CADM1: variants seen among roughly 807,000 people sequenced by gnomAD.
CADM1 encodes TSLC-1.
A neutral mutation model predicts 53.1 loss-of-function variants in CADM1; 15 were observed. The observed-to-expected ratio is 0.28, with a 90% confidence interval of 0.19 to 0.44. The LOEUF is 0.44. Among genes scored for constraint, CADM1 ranks in the 20% least tolerant of loss-of-function variants. CADM1 has a pLI of 1.00. For synonymous variants in CADM1, 281 were observed against 243.0 expected (o/e 1.16, Z -1.45); for missense variants, 434 against 611.3 (o/e 0.71, Z 3.06).
At chr11:115,324,442 C>T (rs550443527) in intron 1 of CADM1, among the ~76,000 whole-genome samples, 3 of 152,236 alleles carry the variant, frequency 2.0e-5, no homozygotes, top group South Asian at 2.1e-4. Context: ...AGCACTAGTA[C>T]TTTTACATGC....
chr11:115,248,101 G>C (rs1394049905), intron 1 of CADM1, among the ~76,000 whole-genome samples: 3 of 152,158 alleles, frequency 2.0e-5, no homozygotes, highest in Non-Finnish European at 2.9e-5. Flanking sequence ...AGACTAATAT[G>C]CATCAAACCA....
intron 1 of CADM1, among the ~76,000 whole-genome samples, chr11:115,432,801 A>T (rs187980044): frequency 3.9e-5 from 6 of 152,312 alleles, no homozygotes; most frequent in Admixed American, 3.9e-4. Flanking sequence ...GACAAACGAA[A>T]ATCTGTCCAC....
At chr11:115,488,083 A>G (rs1949416439) in intron 1 of CADM1, among the ~76,000 whole-genome samples, 2 of 152,268 alleles carry the variant, frequency 1.3e-5, no homozygotes, top group South Asian at 4.1e-4. Flanking sequence ...CTTGGTAGAA[A>G]TCAAGGAAGA....
intron 1 of CADM1, among the ~76,000 whole-genome samples, chr11:115,393,630 C>A (rs958436163): frequency 6.6e-6 from 1 of 150,572 alleles, no homozygotes; most frequent in Non-Finnish European, 1.5e-5. Flanking sequence ...AAAAAAAAAT[C>A]CACAGCTCTG....
chr11:115,284,087 A>ACACTCTCTCTCTCTCTCTCTCT (rs1555055854), intron 1 of CADM1, among the ~76,000 whole-genome samples: 1 of 47,576 alleles, frequency 2.1e-5, no homozygotes, highest in Non-Finnish European at 3.7e-5. Context: ...AAGCCCAGAC[A>ACACTCTCTCTCTCTCTCTCTCT]CTCTCTCTCT....
intron 1 of CADM1, among the ~76,000 whole-genome samples, chr11:115,242,807 A>G (rs1942286781): frequency 6.6e-6 from 1 of 152,204 alleles, no homozygotes. Flanking sequence ...AGGCCTTACA[A>G]ATCCTGACTA....
At chr11:115,195,465 G>A (rs1940100544) in intron 9 of CADM1, among the ~76,000 whole-genome samples, 1 of 152,124 alleles carries the variant, frequency 6.6e-6, no homozygotes, top group Non-Finnish European at 1.5e-5. Flanking sequence ...AATCCAGTAT[G>A]AAAACTTTTA....
At chr11:115,376,434 T>C (rs1263739232) in intron 1 of CADM1, among the ~76,000 whole-genome samples, 4 of 152,154 alleles carry the variant, frequency 2.6e-5, no homozygotes, top group African/African-American at 9.6e-5. Flanking sequence ...TGTTTCTACA[T>C]AGTTTCTACA....
At chr11:115,233,821 A>G (rs1263082907) in intron 3 of CADM1, among the ~76,000 whole-genome samples, 1 of 152,212 alleles carries the variant, frequency 6.6e-6, no homozygotes, top group Non-Finnish European at 1.5e-5. Context: ...TAATGGAGCA[A>G]TGTAACTGAT....
intron 7 of CADM1, among the ~76,000 whole-genome samples, chr11:115,213,157 G>C (rs1409935986): frequency 6.6e-6 from 1 of 152,144 alleles, no homozygotes; most frequent in African/African-American, 2.4e-5. Flanking sequence ...GCAATGTCGG[G>C]GACTCCCATG....
intron 1 of CADM1, among the ~76,000 whole-genome samples, chr11:115,247,312 A>C (rs941796924): frequency 2.0e-5 from 3 of 152,176 alleles, no homozygotes; most frequent in African/African-American, 7.2e-5. Context: ...GCATTTTCCC[A>C]TTCATCCTAA....
intron 1 of CADM1, among the ~76,000 whole-genome samples, chr11:115,392,846 A>G (rs1291974149): frequency 6.6e-6 from 1 of 152,090 alleles, no homozygotes; most frequent in Non-Finnish European, 1.5e-5. Context: ...CAGTATTTAC[A>G]ATAGCAAAAT....
intron 1 of CADM1, among the ~76,000 whole-genome samples, chr11:115,350,925 TAA>T (rs11378288): frequency 3.0e-4 from 41 of 135,756 alleles, no homozygotes; most frequent in Admixed American, 3.7e-4. Context: ...TACGAGAAGT[TAA>T]AAAAAAAAAA....
In CADM1 at chr11:115,445,761, C is replaced by T. The variant is rs190256841; in HGVS notation, c.124+58510G>A. ...TGAGAGGCTGAGGTAGAAGAATCAC[C>T]TGAGCACGGGAAGGCCGAGGCTGCA... On this transcript the variant is annotated intron_variant, in intron 1 of 11. Transcript: ENST00000331581. 2,480 of 453,848 alleles carry T rather than the reference C, an allele frequency of 5.5e-3. 27 individuals are homozygous for T. The highest frequency in any genetic ancestry group is 0.011 in the South Asian group (722 of 64,314). The allele number at this position is 453,848 out of a possible 1,614,324, so 28.1% of individuals were successfully genotyped here.
rs964898875 is a variant in CADM1 at position 115,473,358 on chromosome 11, C to CA, written c.124+30912dup. Among the ~76,000 whole-genome samples the CA allele has an allele frequency of 3.3e-5, 5 of 152,230 alleles. No individual in the cohort carries two copies. In the East Asian group the frequency reaches 7.7e-4, roughly 24 times the overall value. Reference sequence around the variant, plus strand: ...CATGTAGTCCCAGCTACTCGGGAGGCAAAGGCGGGAGGTTCACTTGGGCCC... The same window carrying CA: ...CATGTAGTCCCAGCTACTCGGGAGGCAAAAGGCGGGAGGTTCACTTGGGCCC... On this transcript the variant is annotated intron_variant, in intron 1 of 11. Transcript: ENST00000331581.
intron 1 of CADM1, among the ~76,000 whole-genome samples, chr11:115,431,937 T>C (rs958017465): frequency 3.3e-5 from 5 of 150,700 alleles, no homozygotes; most frequent in Non-Finnish European, 7.4e-5. Context: ...TAAAACCATA[T>C]ATATAATATA....
At chr11:115,363,332 A>G (rs919767212) in intron 1 of CADM1, among the ~76,000 whole-genome samples, 1 of 152,134 alleles carries the variant, frequency 6.6e-6, no homozygotes, top group Non-Finnish European at 1.5e-5. Flanking sequence ...AATCCTCTAA[A>G]TTCTACTGCA....
chr11:115,363,165 C>G (rs1484312561), intron 1 of CADM1, among the ~76,000 whole-genome samples: 2 of 152,244 alleles, frequency 1.3e-5, no homozygotes, highest in Non-Finnish European at 2.9e-5. Flanking sequence ...TTTGGCCCCA[C>G]TGAGTGAACC....
In CADM1 at chr11:115,209,621, G is replaced by A. The variant is rs2134734611; in HGVS notation, c.1031C>T (p.Thr344Ile). 1 of 1,612,826 alleles carries A rather than the reference G, an allele frequency of 6.2e-7. No homozygotes were observed. The highest frequency in any genetic ancestry group is 8.5e-7 in the Non-Finnish European group (1 of 1,179,696). ...GGTGGTGGTGGTGGTGGTGGTGGTG[G>A]TGGTTGTTGTGGGAGGAGGGATAGT... The part of the protein sequence containing the change: ...PTTIPPPTTT[T>I]TTTTTTTTTI... The change falls in exon 8 of 12, where the codon ACC becomes ATC. Residue 344 changes from threonine to isoleucine, a missense_variant. Transcript: ENST00000331581.
Sources: allele counts gnomAD v4.1 joint callset (sites outside exome capture counted in the v4.1 genomes callset), GRCh38; gene constraint gnomAD v4.1.1; transcripts MANE v1.5; gene names NCBI Gene and HGNC (gene_info 2026-07-23, HGNC 2026-07-21).